Variants in KCNN2 observed in about 807,000 individuals in gnomAD.
KCNN2 encodes potassium calcium-activated channel subfamily N member 2, also known as small conductance calcium-activated potassium channel protein 2.
KCNN2 carries 24 observed loss-of-function variants against 55.5 expected under a neutral mutation model. That is an observed-to-expected ratio of 0.43 (90% CI 0.31 to 0.61). The LOEUF (loss-of-function observed/expected upper bound fraction) is 0.61. Among genes scored for constraint, KCNN2 ranks in the 20% least tolerant of loss-of-function variants. The pLI is 0.08. For missense variants in KCNN2, 754 were observed against 853.6 expected, an observed-to-expected ratio of 0.88 and a Z score of 1.45; for synonymous variants, 431 against 336.1, an observed-to-expected ratio of 1.28 and a Z score of -3.09.
intron 2 of KCNN2, among the ~76,000 whole-genome samples, chr5:114,367,412 T>A (rs188881559): frequency 2.2e-4 from 33 of 152,332 alleles, no homozygotes; most frequent in Middle Eastern, 3.4e-3. Flanking sequence ...TAAGGAGATG[T>A]TAGACTTTTT....
At chr5:114,171,783 T>C (rs931874305) in intron 1 of KCNN2, among the ~76,000 whole-genome samples, 1 of 151,858 alleles carries the variant, frequency 6.6e-6, no homozygotes, top group Admixed American at 6.6e-5. Context: ...TAATGATTTT[T>C]CATGCTAACT....
chr5:114,363,534 G>A (rs1211293041), intron 1 of KCNN2, among the ~76,000 whole-genome samples: 1 of 152,192 alleles, frequency 6.6e-6, no homozygotes, highest in Admixed American at 6.5e-5. Flanking sequence ...AGTCGGTGGG[G>A]AAACCATCTG....
chr5:114,179,320 C>G (rs1011963979), intron 1 of KCNN2, among the ~76,000 whole-genome samples: 17 of 152,186 alleles, frequency 1.1e-4, no homozygotes, highest in African/African-American at 3.6e-4. Flanking sequence ...CTGGCTTTGG[C>G]TGGAGGCTTC....
At chr5:114,414,266 A>G (rs1241904204) in intron 3 of KCNN2, among the ~76,000 whole-genome samples, 2 of 152,350 alleles carry the variant, frequency 1.3e-5, no homozygotes, top group Admixed American at 6.5e-5. Context: ...GCCTTCTATT[A>G]TAATGTTAAG....
rs368653365 is a variant in KCNN2 at position 114,453,140 on chromosome 5, C to T, written c.1638-9909C>T. 7.2e-5 allele frequency among the ~76,000 whole-genome samples: 11 copies of T among 152,260 alleles called. No homozygotes were observed. The East Asian group carries it at 1.5e-3, about 21-fold the overall frequency. On this transcript the variant is annotated intron_variant, in intron 3 of 7. Transcript: ENST00000673685. ...ATTTACCACTGAATTTGAAAAAAGTCGTAGGTGTACCCTCACACTGAGGGA... is the reference window on the plus strand; with the variant it reads ...ATTTACCACTGAATTTGAAAAAAGTTGTAGGTGTACCCTCACACTGAGGGA...
intron 1 of KCNN2, among the ~76,000 whole-genome samples, chr5:114,220,015 A>G (rs1446688847): frequency 6.6e-6 from 1 of 152,194 alleles, no homozygotes; most frequent in Non-Finnish European, 1.5e-5. Context: ...TAAAAAATTT[A>G]GAAATAATTT....
At chr5:114,485,055 C>G (rs745332894) in intron 5 of KCNN2, among the ~76,000 whole-genome samples, 42 of 152,176 alleles carry the variant, frequency 2.8e-4, no homozygotes, top group Non-Finnish European at 4.6e-4. Flanking sequence ...GCATCGGTCA[C>G]CTTTTTAAAA....
At chr5:114,368,890 T>A (rs1757683386) in intron 2 of KCNN2, among the ~76,000 whole-genome samples, 1 of 151,792 alleles carries the variant, frequency 6.6e-6, no homozygotes, top group African/African-American at 2.4e-5. Context: ...AGCAGGTACA[T>A]GAGATCCTAT....
rs922906910 is a variant in KCNN2 at position 114,356,968 on chromosome 5, G to A, written c.-184-3977G>A. Among the ~76,000 whole-genome samples, 6 of 151,942 alleles carry A rather than the reference G, an allele frequency of 3.9e-5. 1 individual carries two copies. Among genetic ancestry groups the A allele is most frequent in the African/African-American group, 9.7e-5 (4 of 41,346 alleles). On this transcript the variant is annotated intron_variant, in intron 2 of 10. Coordinates refer to the KCNN2 transcript ENST00000512097. ...CTAAGGACAGTAAGTTCAGAGTGGC[G>A]GTGTCTCATCACAACCTCTGCGTTT...
chr5:114,479,300 G>T (rs894226562), intron 5 of KCNN2, among the ~76,000 whole-genome samples: 23 of 149,670 alleles, frequency 1.5e-4, no homozygotes, highest in Non-Finnish European at 3.0e-4. Context: ...AACCAACAAA[G>T]ATTAAAAAAA....
At chr5:114,278,354 A>T (rs1378730200) in intron 2 of KCNN2, among the ~76,000 whole-genome samples, 3 of 152,236 alleles carry the variant, frequency 2.0e-5, no homozygotes, top group Non-Finnish European at 4.4e-5. Flanking sequence ...CTCGAATGCC[A>T]TGCTGGGAGA....
chr5:114,309,447 T>C (rs1243194712), intron 2 of KCNN2, among the ~76,000 whole-genome samples: 3 of 152,210 alleles, frequency 2.0e-5, no homozygotes, highest in Admixed American at 2.0e-4. Flanking sequence ...ACAAAGCTCA[T>C]GCCCTGAGTC....
chr5:114,259,799 CT>C (rs1266998015), intron 2 of KCNN2, among the ~76,000 whole-genome samples: 3 of 152,152 alleles, frequency 2.0e-5, no homozygotes, highest in Admixed American at 6.5e-5. Flanking sequence ...TTGTTTCCTT[CT>C]TTTGCTGTGC....
chr5:114,108,472 C>T (rs2112579317), intron 1 of KCNN2, among the ~76,000 whole-genome samples: 1 of 152,102 alleles, frequency 6.6e-6, no homozygotes, highest in Non-Finnish European at 1.5e-5. Flanking sequence ...TTAAAAAGCA[C>T]TATAAAGATT....
At chr5:114,320,099 C>T (rs527257774) in intron 2 of KCNN2, among the ~76,000 whole-genome samples, 136 of 152,278 alleles carry the variant, frequency 8.9e-4, no homozygotes, top group African/African-American at 3.3e-3. Flanking sequence ...TCCCCTTCTT[C>T]ATATCCCCAA....
chr5:114,376,223 A>C (rs1757936742), intron 2 of KCNN2, among the ~76,000 whole-genome samples: 1 of 152,096 alleles, frequency 6.6e-6, no homozygotes, highest in East Asian at 1.9e-4. Flanking sequence ...GTATCCATCA[A>C]ATGTGTCTTA....
rs138853047 is a variant in KCNN2 at position 114,125,146 on chromosome 5, A to T, written c.-271+68646A>T. On this transcript the variant is annotated intron_variant, in intron 1 of 10. Coordinates refer to the KCNN2 transcript ENST00000512097. ...TATTGGAGAAATCGTGTTATAATAG[A>T]ATATGTTAAACTTAGGGGTTTCTTC... Among the ~76,000 whole-genome samples the T allele has an allele frequency of 1.2e-4, 19 of 152,106 alleles. No individual in the cohort carries two copies. In the East Asian group the frequency reaches 3.5e-3, roughly 28 times the overall value.
At chr5:114,416,335 G>T (rs1580809533) in intron 3 of KCNN2, among the ~76,000 whole-genome samples, 2 of 152,128 alleles carry the variant, frequency 1.3e-5, no homozygotes, top group Non-Finnish European at 2.9e-5. Context: ...GCAAACATTT[G>T]CAATGTGTCT....
chr5:114,227,083 G>A (rs893519591), intron 2 of KCNN2, among the ~76,000 whole-genome samples: 36 of 151,920 alleles, frequency 2.4e-4, no homozygotes, highest in African/African-American at 1.9e-4. Context: ...TAATTCACTC[G>A]TAATTCTTAT....
Sources: allele counts gnomAD v4.1 joint callset (sites outside exome capture counted in the v4.1 genomes callset), GRCh38; gene constraint gnomAD v4.1.1; transcripts MANE v1.5; gene names NCBI Gene and HGNC (gene_info 2026-07-23, HGNC 2026-07-21).